Variants in FERRY3 observed in about 807,000 individuals in gnomAD.
FERRY3 encodes FERRY endosomal RAB5 effector complex subunit 3, also known as protein C12orf4.
chr12:4,502,145 G>A, the FERRY3 span, among the ~76,000 whole-genome samples: 8 of 152,122 alleles, frequency 5.3e-5, no homozygotes, highest in African/African-American at 1.9e-4. This position sits in a 1 kb window ranked among gnomAD's most constrained non-coding sequence, Gnocchi z 4.2. Context: ...CTATGTACTA[G>A]TGGTCTCCTC....
the FERRY3 span, chr12:4,489,777 T>A: frequency 1.1e-5 from 16 of 1,481,744 alleles, no homozygotes; most frequent in Admixed American, 1.8e-5. Flanking sequence ...TTAACAATCA[T>A]CTTCTGCCAG....
At chr12:4,500,469 T>A in the FERRY3 span, 1 of 765,160 alleles carries the variant, frequency 1.3e-6, no homozygotes. Context: ...AAACATTTAC[T>A]GGATTCAGGA....
chr12:4,533,842 C>T, the FERRY3 span, among the ~76,000 whole-genome samples: 7 of 151,994 alleles, frequency 4.6e-5, no homozygotes, highest in Non-Finnish European at 8.8e-5. Context: ...TGTTGATATA[C>T]TAAAAAATAT....
At chr12:4,493,489 T>C in the FERRY3 span, among the ~76,000 whole-genome samples, 617 of 152,346 alleles carry the variant, frequency 4.0e-3, 2 homozygotes, top group African/African-American at 0.014. Context: ...CAAGACACTT[T>C]GTTTTAAGAT....
At chr12:4,534,310 A>G in the FERRY3 span, 1 of 1,596,722 alleles carries the variant, frequency 6.3e-7, no homozygotes, top group Non-Finnish European at 8.5e-7. Context: ...AGTCTGTTAC[A>G]GGGACATCAA....
the FERRY3 span, among the ~76,000 whole-genome samples, chr12:4,528,651 T>G: frequency 6.6e-6 from 1 of 152,106 alleles, no homozygotes; most frequent in East Asian, 1.9e-4. Context: ...TTATGAAAAT[T>G]TACAAATCTA....
chr12:4,510,770 G>C, the FERRY3 span, among the ~76,000 whole-genome samples: 16 of 139,906 alleles, frequency 1.1e-4, no homozygotes, highest in East Asian at 2.1e-4. Flanking sequence ...AGGAACAACC[G>C]GTACCAGCCG....
At chr12:4,530,123 G>A in the FERRY3 span, 1 of 1,392,526 alleles carries the variant, frequency 7.2e-7, no homozygotes, top group Non-Finnish European at 9.8e-7. Context: ...AGAAAAGTAT[G>A]TATGATTCCA....
At chr12:4,533,064 A>G in the FERRY3 span, among the ~76,000 whole-genome samples, 1 of 152,210 alleles carries the variant, frequency 6.6e-6, no homozygotes, top group African/African-American at 2.4e-5. Flanking sequence ...CTACTGCCTC[A>G]TCTAAACAAA....
At chr12:4,513,235 T>C in the FERRY3 span, among the ~76,000 whole-genome samples, 4,992 of 126,640 alleles carry the variant, frequency 0.039, 377 homozygotes, top group African/African-American at 0.15. Context: ...CTCAAGGAAA[T>C]AAAAGAGGAT....
At chr12:4,505,800 T>A in the FERRY3 span, among the ~76,000 whole-genome samples, 1 of 152,192 alleles carries the variant, frequency 6.6e-6, no homozygotes, top group East Asian at 1.9e-4. Context: ...CTTCATTAGA[T>A]AGTTGTGGTG....
chr12:4,506,889 C>T, the FERRY3 span, among the ~76,000 whole-genome samples: 761 of 152,154 alleles, frequency 5.0e-3, 7 homozygotes, highest in African/African-American at 0.017. Context: ...CACATGTAGG[C>T]GTGCACAGAA....
chr12:4,532,140 T>C, the FERRY3 span, among the ~76,000 whole-genome samples: 19 of 151,594 alleles, frequency 1.3e-4, no homozygotes, highest in African/African-American at 4.6e-4. Context: ...TAATGTATTT[T>C]ATGTGTGGCC....
chr12:4,489,918 A>G, the FERRY3 span: 4 of 1,422,300 alleles, frequency 2.8e-6, no homozygotes, highest in Admixed American at 3.6e-5. Flanking sequence ...CGAAAAAATA[A>G]TAATTGCACT....
the FERRY3 span, among the ~76,000 whole-genome samples, chr12:4,527,464 T>C: frequency 6.6e-5 from 10 of 152,172 alleles, no homozygotes; most frequent in African/African-American, 1.9e-4. Context: ...CTATATATTA[T>C]CTTGAAGATA....
At chr12:4,509,473 A>G in the FERRY3 span, 1 of 150,968 alleles carries the variant, frequency 6.6e-6, no homozygotes. Context: ...AGACAGCAGC[A>G]ACCTCTGCAG....
At chr12:4,529,844 T>C in the FERRY3 span, 1 of 1,550,058 alleles carries the variant, frequency 6.5e-7, no homozygotes. Context: ...CATTTAATTC[T>C]GATAATGCAA....
At chr12:4,505,806 T>C in the FERRY3 span, among the ~76,000 whole-genome samples, 1 of 152,222 alleles carries the variant, frequency 6.6e-6, no homozygotes, top group African/African-American at 2.4e-5. Flanking sequence ...TAGATAGTTG[T>C]GGTGTGGCCA....
At chr12:4,531,302 C>G in the FERRY3 span, among the ~76,000 whole-genome samples, 2 of 152,214 alleles carry the variant, frequency 1.3e-5, no homozygotes, top group Non-Finnish European at 2.9e-5. Flanking sequence ...TGGGACTTAA[C>G]TTCTGTTTAA....
Sources: gnomAD v4.1 joint callset for allele counts (sites outside exome capture counted in the v4.1 genomes callset) on GRCh38, gnomAD v4.1.1 for gene constraint, Gnocchi (gnomAD v3.1) non-coding constraint, MANE v1.5 for transcripts, NCBI Gene and HGNC (gene_info 2026-07-23, HGNC 2026-07-21) for gene names.